TAF4: variants seen among roughly 807,000 people sequenced by gnomAD.
The protein encoded by TAF4 is transcription initiation factor TFIID subunit 4.
TAF4 carries 9 observed loss-of-function variants against 90.3 expected under a neutral mutation model. The observed-to-expected ratio is 0.10, with a 90% CI of 0.06 to 0.17. TAF4 has a LOEUF of 0.17. Among genes scored for constraint, TAF4 ranks in the 10% least tolerant of loss-of-function variants. The pLI, the probability that TAF4 is intolerant of heterozygous loss-of-function variation, is 1.00. For synonymous variants in TAF4, 818 were observed against 638.9 expected, an observed-to-expected ratio of 1.28 and a Z score of -4.23; for missense variants, 1,351 against 1,370.7, an observed-to-expected ratio of 0.99 and a Z score of 0.23.
At chr20:62,004,017 A>C (rs1332298294) in intron 7 of TAF4, 139 bp from the exon 8 acceptor site, 1 of 1,105,592 alleles carries the variant, frequency 9.0e-7, no homozygotes, top group African/African-American at 1.6e-5. Context: ...CCCCGTGTGC[A>C]GCTCAGCCCC....
At chr20:62,055,002 G>A (rs991637824) in intron 1 of TAF4, among the ~76,000 whole-genome samples, 2 of 151,900 alleles carry the variant, frequency 1.3e-5, no homozygotes, top group African/African-American at 4.8e-5. Context: ...ATCTGCCCCA[G>A]GCCCCTGCCA....
At chr20:62,041,017 CGT>C (rs1246503742) in intron 1 of TAF4, among the ~76,000 whole-genome samples, 1 of 152,254 alleles carries the variant, frequency 6.6e-6, no homozygotes, top group Non-Finnish European at 1.5e-5. Flanking sequence ...ACTGTGGACA[CGT>C]GTTGCACACG....
chr20:62,041,855 G>A (rs2055965542), intron 1 of TAF4, among the ~76,000 whole-genome samples: 1 of 150,816 alleles, frequency 6.6e-6, no homozygotes, highest in Non-Finnish European at 1.5e-5. Context: ...GATCACATGA[G>A]CCCAGGAGTT....
intron 1 of TAF4, among the ~76,000 whole-genome samples, chr20:62,041,967 CTAA>C (rs1313629048): frequency 6.6e-6 from 1 of 151,874 alleles, no homozygotes; most frequent in Admixed American, 6.6e-5. Flanking sequence ...AGAATACTGG[CTAA>C]TGATACAGAC....
In TAF4 at chr20:62,006,414, G is replaced by A; in HGVS notation, c.2223+96C>T. On this transcript the variant is annotated intron_variant, in intron 7 of 14. Transcript: ENST00000252996. This position sits in a 1 kb window ranked among gnomAD's most constrained non-coding sequence, Gnocchi z 7.0. ...CTAGCAGGAGGCTTCCTGCATGCTT[G>A]GAAAAGGTTTCTGAGCCGTGGCCAA... is the stretch of plus-strand genomic sequence containing the variant. 7.7e-7 allele frequency: 1 copy of A among 1,292,546 alleles called. No individual in the cohort carries two copies. Among genetic ancestry groups the A allele is most frequent in the South Asian group, 2.4e-5 (1 of 41,754 alleles). The allele number at this position is 1,292,546 out of a possible 1,614,324, so 80.1% of individuals were successfully genotyped here. A position where few individuals can be genotyped will look rare whatever the true frequency, so the allele number is the denominator to read the frequency against.
Position 62,064,729 on chromosome 20 carries a change from A to G in TAF4, c.1082T>C (p.Leu361Pro). 1 of 1,215,492 alleles carries G rather than the reference A, an allele frequency of 8.2e-7. No homozygotes were observed. The highest frequency in any genetic ancestry group is 1.0e-6 in the Non-Finnish European group (1 of 980,078). The allele number at this position is 1,215,492 out of a possible 1,614,324, so 75.3% of individuals were successfully genotyped here. A position where few individuals can be genotyped will look rare whatever the true frequency, so the allele number is the denominator to read the frequency against. ...VQAAPPAAQTLAASGPASTAA... is the reference protein window; with the variant it reads ...VQAAPPAAQTPAASGPASTAA... ...CGTGCTGGCCGGGCCGCTGGCCGCC[A>G]GGGTCTGCGCCGCCGGGGGCGCCGC... The change falls in exon 1 of 15, where the codon CTG becomes CCG. Residue 361 changes from leucine (L) to proline (P), a missense_variant. Around this residue, in one of 9 missense-constraint regions of TAF4, gnomAD observed 782 missense variants for 536.6 expected, o/e 1.46. Coordinates refer to ENST00000252996, the MANE Select transcript of TAF4 (RefSeq NM_003185.4).
chr20:62,049,185 C>T (rs949002900), intron 1 of TAF4, among the ~76,000 whole-genome samples: 9 of 152,090 alleles, frequency 5.9e-5, no homozygotes, highest in East Asian at 1.9e-4. Context: ...TGCCCACGCC[C>T]GCCTTCCACA....
chr20:61,985,125 G>A (rs2055579247), intron 14 of TAF4, among the ~76,000 whole-genome samples: 2 of 151,538 alleles, frequency 1.3e-5, no homozygotes, highest in Admixed American at 1.3e-4. Context: ...CCATGGCAAC[G>A]CTCCACCTCT....
chr20:61,990,038 T>C (rs1430927578), intron 14 of TAF4, among the ~76,000 whole-genome samples: 2 of 152,094 alleles, frequency 1.3e-5, no homozygotes, highest in East Asian at 1.9e-4. Context: ...GCCACGACGC[T>C]GTGGAGAAAC....
rs2055483220 is a variant in TAF4, at chr20:61,974,892, T to G, written c.*1276A>C. On this transcript the variant is annotated 3_prime_UTR_variant, in exon 15 of 15. Transcript: ENST00000252996. The surrounding 1 kb of genome is among the most constrained non-coding windows in gnomAD (Gnocchi z 4.1). ...AAACTTCATTTCTGAAAGTAAAATATTTACATATGAACAAGTAACTGTGCA... is the reference window on the plus strand; with the variant it reads ...AAACTTCATTTCTGAAAGTAAAATAGTTACATATGAACAAGTAACTGTGCA... 1 of 152,382 alleles carries G rather than the reference T, an allele frequency of 6.6e-6. No individual in the cohort carries two copies. The highest frequency in any genetic ancestry group is 6.5e-5 in the Admixed American group (1 of 15,278). The allele number at this position is 152,382 out of a possible 1,614,324, so 9.4% of individuals were successfully genotyped here.
At chr20:62,042,071 A>T (rs979157238) in intron 1 of TAF4, among the ~76,000 whole-genome samples, 2 of 152,184 alleles carry the variant, frequency 1.3e-5, no homozygotes, top group Non-Finnish European at 2.9e-5. Context: ...AAATGGGAAC[A>T]GGCATTCCTG....
chr20:62,041,401 C>T (rs758118508), intron 1 of TAF4, among the ~76,000 whole-genome samples: 2 of 152,274 alleles, frequency 1.3e-5, no homozygotes, highest in African/African-American at 2.4e-5. Flanking sequence ...CAATAACAGA[C>T]GGCATACATG....
intron 1 of TAF4, chr20:62,037,917 AT>A: frequency 4.9e-6 from 1 of 206,156 alleles, no homozygotes. Flanking sequence ...GATTTGCACG[AT>A]TTTGTGGGGA....
intron 1 of TAF4, among the ~76,000 whole-genome samples, chr20:62,043,611 A>G (rs1437704398): frequency 3.3e-5 from 5 of 152,112 alleles, no homozygotes; most frequent in African/African-American, 1.2e-4. Context: ...TGCCCTACAC[A>G]GATGCACCAT....
chr20:62,040,688 C>T (rs1437077544), intron 1 of TAF4, among the ~76,000 whole-genome samples: 2 of 152,226 alleles, frequency 1.3e-5, no homozygotes, highest in East Asian at 1.9e-4. Context: ...AGCCTGGCCA[C>T]GCCAAGAGCC....
intron 5 of TAF4, chr20:62,008,110 T>C (rs1403744318): frequency 1.3e-5 from 2 of 153,644 alleles, no homozygotes; most frequent in Non-Finnish European, 2.9e-5. Context: ...ATGACAGCTG[T>C]GCTCACCCCT....
rs1025811710 is a variant in TAF4, at chr20:62,064,533, G to A, written c.1278C>T (p.Thr426=). ...GGGGGGCCAGCACGGTGGGCGTCAG[G>A]GTGGCCCGAATCCCGCTGGTGGTGG... ...PTATTSGIRA[T]LTPTVLAPRL... The change falls in exon 1 of 15, where the codon ACC becomes ACT. Residue 426 remains threonine, a synonymous_variant. Coordinates refer to ENST00000252996, the MANE Select transcript of TAF4 (RefSeq NM_003185.4). The A allele has an allele frequency of 2.2e-5, 33 of 1,529,964 alleles. No homozygotes were observed. The highest frequency in any genetic ancestry group is 2.7e-5 in the Non-Finnish European group (31 of 1,142,822). 94.8% of individuals were successfully genotyped at this position (1,529,964 alleles called of 1,614,324 possible).
Position 61,997,076 on chromosome 20 carries a change from T to C in TAF4, c.3090+474A>G, listed in dbSNP as rs187765481. ...GAAAGCAAAAATAACATGTCAAGGC[T>C]GGGTTTATAATTATTAGACTAAAAG... On this transcript the variant is annotated intron_variant, in intron 14 of 14. Transcript: ENST00000252996. 2.9e-4 allele frequency among the ~76,000 whole-genome samples: 44 copies of C among 152,236 alleles called. 1 individual carries two copies. Among genetic ancestry groups the C allele is most frequent in the Admixed American group, 2.4e-3 (36 of 15,284 alleles).
At chr20:61,981,787 C>T (rs1051927645) in intron 14 of TAF4, among the ~76,000 whole-genome samples, 7 of 150,800 alleles carry the variant, frequency 4.6e-5, no homozygotes, top group Non-Finnish European at 8.9e-5. Flanking sequence ...AACCCACACC[C>T]ACCCGAGAGG....
Sources: gnomAD v4.1 joint callset for allele counts (sites outside exome capture counted in the v4.1 genomes callset) on GRCh38, gnomAD v4.1.1 for gene constraint, gnomAD v4.1.1 regional missense constraint, Gnocchi (gnomAD v3.1) non-coding constraint, MANE v1.5 for transcripts, NCBI Gene and HGNC (gene_info 2026-07-23, HGNC 2026-07-21) for gene names.